The following TTC17 variants were observed in gnomAD, a reference collection of about 807,000 sequenced individuals.
The protein encoded by TTC17 is tetratricopeptide repeat domain 17, also known as tetratricopeptide repeat protein 17.
TTC17 carries 58 observed loss-of-function variants against 143.8 expected under a neutral mutation model. That is an observed-to-expected ratio of 0.40 (90% CI 0.33 to 0.50). The LOEUF (loss-of-function observed/expected upper bound fraction) is 0.50, where lower values mean the gene tolerates loss of function less well. Ranked by LOEUF, TTC17 falls within the 20% of genes least tolerant of loss-of-function variation. The probability of loss-of-function intolerance (pLI) is 0.49; values close to 1 mark genes in which losing one functional copy is unlikely to be tolerated. For synonymous variants in TTC17, 501 were observed against 497.8 expected (o/e 1.01, Z -0.09); for missense variants, 1,273 against 1,392.5 (o/e 0.91, Z 1.37).
intron 1 of TTC17, among the ~76,000 whole-genome samples, chr11:43,360,283 C>A (rs1590292192): frequency 6.6e-6 from 1 of 152,204 alleles, no homozygotes; most frequent in Non-Finnish European, 1.5e-5. Context: ...TAAGAAAAGA[C>A]CGTGTTCCTA....
chr11:43,427,842 C>A (rs1947065140), intron 16 of TTC17, among the ~76,000 whole-genome samples: 2 of 152,074 alleles, frequency 1.3e-5, no homozygotes, highest in South Asian at 4.2e-4. Context: ...CCATACCCTC[C>A]CCCCAACATT....
intron 16 of TTC17, among the ~76,000 whole-genome samples, chr11:43,432,405 A>G (rs749554800): frequency 1.3e-5 from 2 of 152,176 alleles, no homozygotes; most frequent in Non-Finnish European, 2.9e-5. Context: ...TACTTAGTTG[A>G]TAGTCTTGTA....
chr11:43,436,369 A>C, intron 16 of TTC17: 1 of 1,241,058 alleles, frequency 8.1e-7, no homozygotes, highest in Non-Finnish European at 1.0e-6. Context: ...GCTTCTGGGG[A>C]AAAATCAACT....
chr11:43,403,538 T>C (rs1368476413), intron 10 of TTC17, among the ~76,000 whole-genome samples: 1 of 152,184 alleles, frequency 6.6e-6, no homozygotes, highest in Non-Finnish European at 1.5e-5. Context: ...TTGTAATTGA[T>C]TGCACAACAG....
At position 43,401,510 on chromosome 11, in the gene TTC17, T is replaced by C. The variant is rs1337926546; in HGVS notation, c.1284T>C (p.Pro428=). 2 of 1,613,758 alleles carry C rather than the reference T, an allele frequency of 1.2e-6. No homozygotes were observed. The highest frequency in any genetic ancestry group is 3.3e-5 in the Admixed American group (2 of 59,918). The change falls in exon 10 of 24, where the codon CCT becomes CCC. Residue 428 remains proline (P), a synonymous_variant. Transcript: ENST00000039989. ...QHSLHCQWDQ[P]VRYHRGDIFE... is the part of the protein sequence containing the mutation. ...GTTTACATTGCCAGTGGGACCAGCCTGTACGCTATCATCGTGGAGATATCT... is the reference window on the plus strand; with the variant it reads ...GTTTACATTGCCAGTGGGACCAGCCCGTACGCTATCATCGTGGAGATATCT...
At chr11:43,416,171 G>C (rs1204463877) in intron 16 of TTC17, among the ~76,000 whole-genome samples, 1 of 151,888 alleles carries the variant, frequency 6.6e-6, no homozygotes, top group Non-Finnish European at 1.5e-5. Context: ...GTCTTTTTTT[G>C]TTTGTTTGTT....
At chr11:43,453,321 A>T (rs1947700490) in intron 21 of TTC17, among the ~76,000 whole-genome samples, 1 of 152,130 alleles carries the variant, frequency 6.6e-6, no homozygotes, top group Non-Finnish European at 1.5e-5. Context: ...TAGAAAACTG[A>T]TCCAGAACAG....
At chr11:43,462,821 T>C (rs1232562843) in intron 21 of TTC17, among the ~76,000 whole-genome samples, 4 of 151,982 alleles carry the variant, frequency 2.6e-5, no homozygotes, top group South Asian at 2.1e-4. Flanking sequence ...AAAATTATAA[T>C]AACTGATAGC....
chr11:43,441,006 C>T (rs1336366261), intron 16 of TTC17, among the ~76,000 whole-genome samples: 2 of 151,670 alleles, frequency 1.3e-5, no homozygotes, highest in Non-Finnish European at 2.9e-5. Context: ...TGCAGTAGCT[C>T]ACACCTGAAT....
chr11:43,374,873 A>G (rs1160771358), intron 1 of TTC17, among the ~76,000 whole-genome samples: 2 of 152,178 alleles, frequency 1.3e-5, no homozygotes, highest in African/African-American at 4.8e-5. Flanking sequence ...GAACAGAACT[A>G]CCATTTGATC....
intron 10 of TTC17, among the ~76,000 whole-genome samples, chr11:43,403,189 A>G (rs1202631610): frequency 6.6e-6 from 1 of 152,182 alleles, no homozygotes; most frequent in Non-Finnish European, 1.5e-5. Flanking sequence ...GAAACCCAAT[A>G]CACCTTTTGG....
At chr11:43,393,529 G>T (rs549989628) in intron 5 of TTC17, among the ~76,000 whole-genome samples, 9 of 152,102 alleles carry the variant, frequency 5.9e-5, no homozygotes, top group Non-Finnish European at 1.3e-4. Context: ...GGGTTTCTAC[G>T]GAGGTTTCAC....
In TTC17 at chr11:43,407,377, C is replaced by T; in HGVS notation, c.1864C>T (p.Leu622Phe). 1 of 1,613,814 alleles carries T rather than the reference C, an allele frequency of 6.2e-7. No homozygotes were observed. Among genetic ancestry groups the T allele is most frequent in the Non-Finnish European group, 8.5e-7 (1 of 1,179,934 alleles). Residue 622 changes from leucine to phenylalanine, a missense_variant, in exon 15 of 24, where the codon CTC (leucine) becomes TTC (phenylalanine). Coordinates refer to ENST00000039989, the MANE Select transcript of TTC17 (RefSeq NM_018259.6). ...NKPNAPIWLI[L>F]NEAGLYWRAV... is the part of the protein sequence containing the mutation. The stretch of plus-strand genomic sequence containing the variant: ...GCCAAATGCTCCTATCTGGCTCATA[C>T]TCAATGAAGCTGGACTATACTGGAG...
chr11:43,430,483 C>G (rs1238002232), intron 16 of TTC17, among the ~76,000 whole-genome samples: 1 of 151,966 alleles, frequency 6.6e-6, no homozygotes, highest in Admixed American at 6.6e-5. Flanking sequence ...AAGTAAAAGA[C>G]TATAGGTAAC....
chr11:43,364,811 T>G (rs1368605723), intron 1 of TTC17, among the ~76,000 whole-genome samples: 1 of 152,208 alleles, frequency 6.6e-6, no homozygotes, highest in African/African-American at 2.4e-5. Context: ...TTTTTATTTA[T>G]TTATTTATTT....
intron 23 of TTC17, among the ~76,000 whole-genome samples, chr11:43,492,518 G>T (rs980101230): frequency 9.9e-5 from 15 of 152,124 alleles, no homozygotes; most frequent in African/African-American, 3.4e-4. Flanking sequence ...TTGGGCTAAG[G>T]TACCTGTCAT....
chr11:43,494,516 A>G lies in TTC17; in HGVS notation c.*612A>G, dbSNP rs971994438. Reference sequence around the variant, plus strand: ...CAACAAAAATTCTTAGGATCACCTGACCTTTGTAATGTTATTTATGTTGGG... The same window carrying G: ...CAACAAAAATTCTTAGGATCACCTGGCCTTTGTAATGTTATTTATGTTGGG... On this transcript the variant is annotated 3_prime_UTR_variant, in exon 24 of 24. Transcript: ENST00000039989. 6.6e-6 allele frequency: 1 copy of G among 151,990 alleles called. No individual in the cohort carries two copies. The highest frequency in any genetic ancestry group is 2.4e-5 in the African/African-American group (1 of 41,330). 9.4% of individuals were successfully genotyped at this position (151,990 alleles called of 1,614,324 possible).
At chr11:43,378,586 C>G (rs983429881) in intron 1 of TTC17, among the ~76,000 whole-genome samples, 1 of 152,182 alleles carries the variant, frequency 6.6e-6, no homozygotes, top group Admixed American at 6.5e-5. Flanking sequence ...CCTAGACTTT[C>G]TTTTGCTCAA....
intron 1 of TTC17, among the ~76,000 whole-genome samples, chr11:43,377,329 C>T (rs1007710528): frequency 3.3e-5 from 5 of 152,028 alleles, no homozygotes; most frequent in Non-Finnish European, 5.9e-5. Flanking sequence ...CATGGGAGCA[C>T]CATCACATAT....
Sources: gnomAD v4.1 joint callset for allele counts (sites outside exome capture counted in the v4.1 genomes callset) on GRCh38, gnomAD v4.1.1 for gene constraint, MANE v1.5 for transcripts, NCBI Gene and HGNC (gene_info 2026-07-23, HGNC 2026-07-21) for gene names.